ILDR1: variants seen among roughly 807,000 people sequenced by gnomAD.
ILDR1 encodes immunoglobulin like domain containing receptor 1, also known as immunoglobulin-like domain-containing receptor 1.
In ILDR1, 56 loss-of-function variants were observed where a neutral mutation model predicts 62.4. That is an observed-to-expected ratio of 0.90 (90% CI 0.72 to 1.12). The LOEUF is 1.12. ILDR1 is among the 50% of genes most tolerant of loss of function. The pLI is 0.00. For missense variants in ILDR1, 736 were observed against 710.6 expected (o/e 1.04, Z -0.41); for synonymous variants, 284 against 277.8 (o/e 1.02, Z -0.22).
At position 122,000,452 on chromosome 3, in the gene ILDR1, G is replaced by A. The variant is rs561204309; in HGVS notation, c.646+856C>T. Among the ~76,000 whole-genome samples the A allele has an allele frequency of 7.9e-5, 12 of 152,310 alleles. 1 individual carries two copies. In the South Asian group the frequency reaches 2.3e-3, roughly 29 times the overall value. Reference sequence around the variant, plus strand: ...CTGAAGACGGAGGTCCTGGGAGGGTGGCACACCTGGAGAGGACATGGAAGC... The same window carrying A: ...CTGAAGACGGAGGTCCTGGGAGGGTAGCACACCTGGAGAGGACATGGAAGC... On this transcript the variant is annotated intron_variant, in intron 5 of 7. Coordinates refer to ENST00000344209, the MANE Select transcript of ILDR1 (RefSeq NM_001199799.2).
the ILDR1 span, among the ~76,000 whole-genome samples, chr3:122,033,566 C>T: frequency 6.6e-6 from 1 of 152,050 alleles, no homozygotes; most frequent in African/African-American, 2.4e-5. Flanking sequence ...ATAAGGAATG[C>T]TGTATTCCCC....
At chr3:122,051,390 T>A in the ILDR1 span, among the ~76,000 whole-genome samples, 2 of 152,136 alleles carry the variant, frequency 1.3e-5, no homozygotes, top group Non-Finnish European at 2.9e-5. Context: ...TGATTATTTC[T>A]TCTGCTTGAT....
the ILDR1 span, among the ~76,000 whole-genome samples, chr3:122,050,556 A>G: frequency 1.8e-5 from 2 of 110,336 alleles, no homozygotes; most frequent in South Asian, 7.2e-4. Flanking sequence ...CCCCCCCCCC[A>G]CAGTTATGGA....
upstream of ILDR1, among the ~76,000 whole-genome samples, chr3:122,023,514 C>G (rs1442251399): frequency 6.6e-6 from 1 of 152,102 alleles, no homozygotes; most frequent in Non-Finnish European, 1.5e-5. Context: ...CATGTCATGC[C>G]CTGCTCTGCT....
At chr3:122,001,234 G>T in intron 5 of ILDR1, 74 bp downstream of exon 5, 1 of 1,524,158 alleles carries the variant, frequency 6.6e-7, no homozygotes, top group East Asian at 2.3e-5. Context: ...CTTTGACCTG[G>T]CACTTGAAGC....
the ILDR1 span, among the ~76,000 whole-genome samples, chr3:122,044,445 G>C: frequency 6.8e-6 from 1 of 147,938 alleles, no homozygotes; most frequent in East Asian, 1.9e-4. Flanking sequence ...ATGAGTTAGG[G>C]AGAATTCCCT....
chr3:122,036,800 T>C, the ILDR1 span, among the ~76,000 whole-genome samples: 1 of 152,160 alleles, frequency 6.6e-6, no homozygotes, highest in African/African-American at 2.4e-5. Context: ...GCCACTCCCA[T>C]CACAGGCTCA....
At chr3:122,019,068 T>A (rs1262209303) in intron 1 of ILDR1, among the ~76,000 whole-genome samples, 3 of 152,114 alleles carry the variant, frequency 2.0e-5, no homozygotes, top group African/African-American at 7.2e-5. Flanking sequence ...TTAAAAAAAA[T>A]TCACTAAAGC....
At position 121,993,246 on chromosome 3, in the gene ILDR1, G is replaced by A. The variant is rs912861659; in HGVS notation, c.1503C>T (p.Ser501=). The change falls in exon 7 of 8, where the codon TCC becomes TCT. Residue 501 remains serine (S), a synonymous_variant. Coordinates refer to ENST00000344209, the MANE Select transcript of ILDR1 (RefSeq NM_001199799.2). ...GCGGCTTCTCCTCGGGCCAGTGTGGGGAGTGCGAGCCGCGGCGGTGGGCCC... is the reference window on the plus strand; with the variant it reads ...GCGGCTTCTCCTCGGGCCAGTGTGGAGAGTGCGAGCCGCGGCGGTGGGCCC... The part of the protein sequence containing the change: ...SWRAHRRGSH[S]PHWPEEKPPS... The A allele has an allele frequency of 1.2e-6, 2 of 1,613,942 alleles. No individual in the cohort carries two copies. Among genetic ancestry groups the A allele is most frequent in the Non-Finnish European group, 1.7e-6 (2 of 1,179,936 alleles).
Position 122,022,073 on chromosome 3 carries a change from G to A in ILDR1, c.5C>T (p.Ala2Val), listed in dbSNP as rs1489428783. Residue 2 changes from alanine (A) to valine (V), a missense_variant, in exon 1 of 8, where the codon GCA (alanine) becomes GTA (valine). Transcript: ENST00000344209. M[A>V]WPKLPAPWLL... ...CCAAGGTGCGGGCAGTTTGGGCCATGCCATGCCGCCCCCTTTCTGGCCCTT... is the reference window on the plus strand; with the variant it reads ...CCAAGGTGCGGGCAGTTTGGGCCATACCATGCCGCCCCCTTTCTGGCCCTT... The A allele has an allele frequency of 6.2e-7, 1 of 1,607,886 alleles. No homozygotes were observed. The highest frequency in any genetic ancestry group is 8.5e-7 in the Non-Finnish European group (1 of 1,177,102).
At chr3:122,008,578 CTTTTCTTTTCTTTTCTTTTTT>C (rs777390137) in intron 1 of ILDR1, among the ~76,000 whole-genome samples, 1 of 138,936 alleles carries the variant, frequency 7.2e-6, no homozygotes. Flanking sequence ...CTTTTCTTTT[CTTTTCTTTTCTTTTCTTTTTT>C]TTTTTTTTTT....
intron 3 of ILDR1, among the ~76,000 whole-genome samples, chr3:122,002,081 A>C (rs1205759259): frequency 1.3e-5 from 2 of 152,208 alleles, no homozygotes; most frequent in Non-Finnish European, 2.9e-5. Context: ...TTGAAGCTGC[A>C]GTGAGCTATG....
chr3:122,040,032 TATAAG>T, the ILDR1 span, among the ~76,000 whole-genome samples: 127 of 152,074 alleles, frequency 8.4e-4, 1 homozygote, highest in Middle Eastern at 6.8e-3. Context: ...CTAAAATTAT[TATAAG>T]ATATTTTAAA....
chr3:122,035,103 A>G, the ILDR1 span, among the ~76,000 whole-genome samples: 2 of 152,170 alleles, frequency 1.3e-5, no homozygotes, highest in Non-Finnish European at 2.9e-5. Context: ...TGGTGAGGGG[A>G]CAGCAACTAC....
chr3:122,037,246 G>T, the ILDR1 span, among the ~76,000 whole-genome samples: 8 of 152,288 alleles, frequency 5.3e-5, no homozygotes, highest in African/African-American at 7.2e-5. Flanking sequence ...ACCCCAGAAT[G>T]GTAGGCCCAC....
At chr3:122,029,317 G>A in the ILDR1 span, among the ~76,000 whole-genome samples, 1 of 151,922 alleles carries the variant, frequency 6.6e-6, no homozygotes, top group Non-Finnish European at 1.5e-5. Context: ...GAACGGCCTG[G>A]CCAACATGGT....
At chr3:122,010,616 T>G (rs1393142928) in intron 1 of ILDR1, among the ~76,000 whole-genome samples, 1 of 152,176 alleles carries the variant, frequency 6.6e-6, no homozygotes, top group Admixed American at 6.5e-5. Flanking sequence ...TTTTTTGTTT[T>G]TTGTTTGTTT....
At chr3:122,000,849 G>T (rs1170054403) in intron 5 of ILDR1, among the ~76,000 whole-genome samples, 1 of 152,164 alleles carries the variant, frequency 6.6e-6, no homozygotes, top group African/African-American at 2.4e-5. Flanking sequence ...TCCTTTTTGT[G>T]TGGGGAAAAC....
intron 1 of ILDR1, among the ~76,000 whole-genome samples, chr3:122,009,613 A>G (rs1458351769): frequency 3.9e-5 from 6 of 152,106 alleles, no homozygotes; most frequent in Admixed American, 1.3e-4. Flanking sequence ...CCTTATTACG[A>G]GGGCCAAGGA....
Sources: allele counts gnomAD v4.1 joint callset (sites outside exome capture counted in the v4.1 genomes callset), GRCh38; gene constraint gnomAD v4.1.1; transcripts MANE v1.5; gene names NCBI Gene and HGNC (gene_info 2026-07-23, HGNC 2026-07-21).